PTK2: variants seen among roughly 807,000 people sequenced by gnomAD.
PTK2 encodes focal adhesion kinase 1.
A neutral mutation model predicts 150.1 loss-of-function variants in PTK2; 45 were observed. The ratio of observed to expected loss-of-function variants is 0.30; its 90% confidence interval spans 0.24 to 0.38. The LOEUF (loss-of-function observed/expected upper bound fraction) is 0.38. PTK2 is among the 10% of genes least tolerant of loss of function. PTK2 has a pLI of 1.00. For synonymous variants in PTK2, 432 were observed against 449.2 expected (o/e 0.96, Z 0.48); for missense variants, 919 against 1,307.3 (o/e 0.70, Z 4.58).
intron 14 of PTK2, among the ~76,000 whole-genome samples, chr8:140,776,457 T>C (rs1237458597): frequency 6.6e-6 from 1 of 152,226 alleles, no homozygotes; most frequent in Non-Finnish European, 1.5e-5. Context: ...ATATTCCCAG[T>C]GTAAACCCTA....
At chr8:140,685,202 T>A (rs1306477029) in intron 27 of PTK2, among the ~76,000 whole-genome samples, 1 of 152,138 alleles carries the variant, frequency 6.6e-6, no homozygotes, top group African/African-American at 2.4e-5. Flanking sequence ...CGCCAAAGAA[T>A]AAAACTGGGA....
intron 23 of PTK2, among the ~76,000 whole-genome samples, chr8:140,715,165 T>TTG (rs2100038954): frequency 9.1e-6 from 1 of 109,572 alleles, no homozygotes. Context: ...GTTTTTTTTT[T>TTG]TTTTTTTTTT....
intron 26 of PTK2, among the ~76,000 whole-genome samples, chr8:140,694,390 G>A (rs1182185877): frequency 6.6e-6 from 1 of 151,914 alleles, no homozygotes; most frequent in Admixed American, 6.6e-5. Flanking sequence ...AGTAATTTTT[G>A]GGCTGTCAAA....
At chr8:140,948,766 A>G (rs10111855) in intron 1 of PTK2, 146,882 of 152,270 alleles carry the variant, frequency 0.96, 71,046 homozygotes, top group East Asian at 1. Flanking sequence ...CATCTATACC[A>G]AGCATGTACT....
intron 22 of PTK2, among the ~76,000 whole-genome samples, chr8:140,724,732 T>C (rs1592270622): frequency 6.6e-6 from 1 of 152,260 alleles, no homozygotes; most frequent in Admixed American, 6.5e-5. Flanking sequence ...TTCTTATAAT[T>C]AGTCAACGCT....
At chr8:140,859,450 TATCA>T (rs2100134766) in intron 5 of PTK2, among the ~76,000 whole-genome samples, 1 of 152,186 alleles carries the variant, frequency 6.6e-6, no homozygotes, top group Non-Finnish European at 1.5e-5. Flanking sequence ...AATTAAAAAT[TATCA>T]ATGTCATCAA....
At chr8:140,817,639 A>G (rs1034006534) in intron 10 of PTK2, among the ~76,000 whole-genome samples, 2 of 152,214 alleles carry the variant, frequency 1.3e-5, no homozygotes, top group African/African-American at 4.8e-5. Context: ...GCACTCAACT[A>G]TAAGCTACAT....
chr8:140,717,006 A>G (rs986160443), intron 23 of PTK2, among the ~76,000 whole-genome samples: 17 of 152,134 alleles, frequency 1.1e-4, no homozygotes, highest in Non-Finnish European at 2.1e-4. Flanking sequence ...GAGGCAGGAG[A>G]GGGCACCAGT....
intron 1 of PTK2, among the ~76,000 whole-genome samples, chr8:140,963,489 A>G (rs1474302091): frequency 6.6e-6 from 1 of 152,118 alleles, no homozygotes; most frequent in Non-Finnish European, 1.5e-5. Flanking sequence ...CTCCAATTCT[A>G]TGGCCATCCA....
chr8:140,794,496 C>A (rs1247294285), intron 12 of PTK2, among the ~76,000 whole-genome samples: 1 of 152,140 alleles, frequency 6.6e-6, no homozygotes, highest in African/African-American at 2.4e-5. Flanking sequence ...TCAGTTCCCC[C>A]CCACCCCCAT....
chr8:140,722,930 G>C (rs1788599305), intron 22 of PTK2, among the ~76,000 whole-genome samples: 1 of 152,144 alleles, frequency 6.6e-6, no homozygotes, highest in African/African-American at 2.4e-5. Context: ...GTTTTAAATG[G>C]GTTCTCATCA....
chr8:140,713,523 AAT>A (rs2100037914), intron 23 of PTK2, among the ~76,000 whole-genome samples: 1 of 152,146 alleles, frequency 6.6e-6, no homozygotes, highest in South Asian at 2.1e-4. Context: ...TCAGGCAAAT[AAT>A]ATCTTAACAT....
chr8:140,917,019 T>G (rs780089504), intron 2 of PTK2, among the ~76,000 whole-genome samples: 1 of 152,234 alleles, frequency 6.6e-6, no homozygotes, highest in Non-Finnish European at 1.5e-5. Context: ...ATGTAGTATT[T>G]CTGAATAAAT....
At chr8:140,667,586 C>T (rs780762565) in intron 30 of PTK2, among the ~76,000 whole-genome samples, 24 of 152,206 alleles carry the variant, frequency 1.6e-4, no homozygotes, top group South Asian at 8.3e-4. Context: ...TGGGCATGAG[C>T]CACCACACTC....
chr8:140,722,255 G>C lies in PTK2; in HGVS notation c.2031-4546C>G, dbSNP rs985598090. Among the ~76,000 whole-genome samples, 5 of 152,232 alleles carry C rather than the reference G, an allele frequency of 3.3e-5. No individual in the cohort carries two copies. In the South Asian group the frequency reaches 1.0e-3, roughly 32 times the overall value. On this transcript the variant is annotated intron_variant, in intron 22 of 31. Coordinates refer to ENST00000522684, the Ensembl canonical transcript of PTK2. ...CCCAAAGTGCTGGGATTATAGGTGTGATCCACTGTGCCTGGCCAATTTCTT... is the reference window on the plus strand; with the variant it reads ...CCCAAAGTGCTGGGATTATAGGTGTCATCCACTGTGCCTGGCCAATTTCTT...
intron 14 of PTK2, among the ~76,000 whole-genome samples, chr8:140,768,339 C>T (rs1481279759): frequency 6.6e-6 from 1 of 152,216 alleles, no homozygotes; most frequent in Non-Finnish European, 1.5e-5. Context: ...CTTGCCCTGG[C>T]TAATTCATAG....
chr8:140,806,002 C>T (rs984126080), intron 10 of PTK2, among the ~76,000 whole-genome samples: 4 of 152,300 alleles, frequency 2.6e-5, no homozygotes, highest in South Asian at 2.1e-4. Context: ...GCTCTAGTTT[C>T]GTTGGGGTAG....
At chr8:140,947,132 G>A (rs542595522) in intron 1 of PTK2, among the ~76,000 whole-genome samples, 5 of 152,168 alleles carry the variant, frequency 3.3e-5, no homozygotes, top group African/African-American at 1.2e-4. Context: ...AACACTCCTA[G>A]GCAAGCCTTC....
intron 26 of PTK2, 143 bp downstream of exon 29, chr8:140,700,748 A>G: frequency 9.2e-7 from 1 of 1,083,476 alleles, no homozygotes; most frequent in Non-Finnish European, 1.3e-6. Context: ...ATAGGCCACC[A>G]TGCCTGGCCT....
Sources: gnomAD v4.1 joint callset for allele counts (sites outside exome capture counted in the v4.1 genomes callset) on GRCh38, gnomAD v4.1.1 for gene constraint, MANE v1.5 for transcripts, NCBI Gene and HGNC (gene_info 2026-07-23, HGNC 2026-07-21) for gene names.